Variants in GINM1 observed in about 807,000 individuals in gnomAD.
GINM1 encodes glycoprotein integral membrane protein 1.
In GINM1, 29 loss-of-function variants were observed where a neutral mutation model predicts 37.8. The ratio of observed to expected loss-of-function variants is 0.77; its 90% CI spans 0.57 to 1.05. The LOEUF is 1.05. GINM1 is among the 50% of genes least tolerant of loss of function. The probability of loss-of-function intolerance (pLI) is 0.00; values close to 1 mark genes in which losing one functional copy is unlikely to be tolerated. For missense variants in GINM1, 377 were observed against 397.9 expected, an observed-to-expected ratio of 0.95 and a Z score of 0.45; for synonymous variants, 143 against 146.2, an observed-to-expected ratio of 0.98 and a Z score of 0.16.
chr6:149,587,243 C>T (rs1387172070), intron 7 of GINM1, among the ~76,000 whole-genome samples: 2 of 152,186 alleles, frequency 1.3e-5, no homozygotes, highest in African/African-American at 2.4e-5. Flanking sequence ...GGCACCAATA[C>T]GTGTGTGGGG....
intron 1 of GINM1, among the ~76,000 whole-genome samples, chr6:149,570,190 ATATAT>A (rs1777795864): frequency 2.2e-5 from 2 of 92,146 alleles, no homozygotes; most frequent in African/African-American, 7.9e-5. Context: ...ATATATATAT[ATATAT>A]ATAAAGTTCA....
chr6:149,572,666 TTG>T, intron 3 of GINM1, 63 bp downstream of exon 3: 2 of 1,051,570 alleles, frequency 1.9e-6, no homozygotes, highest in Non-Finnish European at 3.0e-6. Flanking sequence ...GTTGTTGTTG[TTG>T]TTGTTTGTTT....
chr6:149,566,642 G>T lies in GINM1; in HGVS notation c.120+108G>T, dbSNP rs1300876674. The T allele has an allele frequency of 9.7e-6, 13 of 1,342,350 alleles. No homozygotes were observed. In the South Asian group the frequency reaches 2.0e-4, roughly 21 times the overall value. 83.2% of individuals were successfully genotyped at this position (1,342,350 alleles called of 1,614,324 possible). Reference sequence around the variant, plus strand: ...ATCCCACCGGCGGGCAGGGGCGGGGGTCCGGGCCCCCGAAGGAGGTGTGGG... The same window carrying T: ...ATCCCACCGGCGGGCAGGGGCGGGGTTCCGGGCCCCCGAAGGAGGTGTGGG... On this transcript the variant is annotated intron_variant, in intron 1 of 7. Transcript: ENST00000367419. The surrounding 1 kb of genome is among the most constrained non-coding windows in gnomAD (Gnocchi z 4.4).
At chr6:149,590,110 A>G (rs998238973) in intron 7 of GINM1, among the ~76,000 whole-genome samples, 22 of 152,172 alleles carry the variant, frequency 1.4e-4, no homozygotes, top group Non-Finnish European at 5.9e-5. Context: ...GCCTACTATC[A>G]TGTTTTAATA....
intron 6 of GINM1, among the ~76,000 whole-genome samples, chr6:149,581,351 G>GT (rs1777996490): frequency 6.6e-6 from 1 of 152,130 alleles, no homozygotes; most frequent in South Asian, 2.1e-4. Flanking sequence ...TAGAGATGGA[G>GT]TTTCACCATG....
chr6:149,578,577 T>C (rs1777950906), intron 3 of GINM1, among the ~76,000 whole-genome samples: 1 of 151,932 alleles, frequency 6.6e-6, no homozygotes, highest in African/African-American at 2.4e-5. Flanking sequence ...AGTGTGGTAT[T>C]TCATACAAAG....
Position 149,582,557 on chromosome 6 carries a change from G to A in GINM1, c.835G>A (p.Val279Met). 6.2e-7 allele frequency: 1 copy of A among 1,609,564 alleles called. No individual in the cohort carries two copies. The highest frequency in any genetic ancestry group is 8.5e-7 in the Non-Finnish European group (1 of 1,178,930). Residue 279 changes from valine (V) to methionine (M), a missense_variant, in exon 7 of 8, where the codon GTG becomes ATG. Transcript: ENST00000367419. ...GGTGGTTGGAATTACAGGAGCAGCTGTGGTAATAACCATCTTAAAGGTGTT... is the reference window on the plus strand; with the variant it reads ...GGTGGTTGGAATTACAGGAGCAGCTATGGTAATAACCATCTTAAAGGTGTT... The part of the protein sequence containing the change: ...IMVVGITGAA[V>M]VITILKVFFP...
At chr6:149,570,212 T>A (rs1777797726) in intron 1 of GINM1, among the ~76,000 whole-genome samples, 1 of 117,380 alleles carries the variant, frequency 8.5e-6, no homozygotes, top group Admixed American at 1.0e-4. Context: ...TTCAGTAACT[T>A]GCTAACAATA....
chr6:149,588,511 T>C (rs905843628), intron 7 of GINM1, among the ~76,000 whole-genome samples: 3 of 152,252 alleles, frequency 2.0e-5, no homozygotes, highest in African/African-American at 7.2e-5. Context: ...ATACAAAAGC[T>C]TTAAATTCAA....
chr6:149,575,808 G>A (rs1777905630), intron 3 of GINM1, among the ~76,000 whole-genome samples: 1 of 152,244 alleles, frequency 6.6e-6, no homozygotes, highest in East Asian at 1.9e-4. Context: ...TGTATTCACT[G>A]GGAATTGGAC....
chr6:149,566,584 G>A lies in GINM1; in HGVS notation c.120+50G>A, dbSNP rs760894602. On this transcript the variant is annotated intron_variant, in intron 1 of 7. Coordinates refer to ENST00000367419, the MANE Select transcript of GINM1 (RefSeq NM_138785.5). The surrounding 1 kb of genome is among the most constrained non-coding windows in gnomAD (Gnocchi z 4.4). ...CCGCTTTACGACTCCGACTCTCCGG[G>A]AGGCCCGGGCTGTCCACAGTGACGC... The A allele has an allele frequency of 2.1e-5, 30 of 1,448,248 alleles. No homozygotes were observed. The highest frequency in any genetic ancestry group is 1.8e-4 in the Middle Eastern group (1 of 5,474). 89.7% of individuals were successfully genotyped at this position (1,448,248 alleles called of 1,614,324 possible).
chr6:149,585,434 C>G (rs1778055280), intron 7 of GINM1, among the ~76,000 whole-genome samples: 1 of 152,012 alleles, frequency 6.6e-6, no homozygotes, highest in African/African-American at 2.4e-5. Flanking sequence ...AATTGTTTAT[C>G]AACTCAGATT....
intron 4 of GINM1, 102 bp downstream of exon 4, chr6:149,579,075 G>A: frequency 1.5e-6 from 1 of 663,574 alleles, no homozygotes; most frequent in Non-Finnish European, 2.4e-6. Context: ...ACTTGATAAG[G>A]AAGGTGCCTA....
chr6:149,581,548 C>G (rs1298376413), intron 6 of GINM1, among the ~76,000 whole-genome samples: 5 of 152,186 alleles, frequency 3.3e-5, no homozygotes, highest in Non-Finnish European at 5.9e-5. Flanking sequence ...GGGGCACCCA[C>G]TTAATCTGAA....
chr6:149,580,071 A>G (rs1462546160), intron 5 of GINM1, 81 bp downstream of exon 5: 1 of 861,482 alleles, frequency 1.2e-6, no homozygotes, highest in Admixed American at 2.8e-5. Context: ...GAACTTTGTT[A>G]TTTTTTACAC....
chr6:149,576,154 G>T (rs752946770), intron 3 of GINM1: 2 of 152,024 alleles, frequency 1.3e-5, no homozygotes, highest in Non-Finnish European at 2.9e-5. Context: ...ATCACGTCAG[G>T]GCTCAGCTGG....
At chr6:149,567,250 C>T (rs1227140456) in intron 1 of GINM1, among the ~76,000 whole-genome samples, 1 of 152,186 alleles carries the variant, frequency 6.6e-6, no homozygotes, top group Non-Finnish European at 1.5e-5. Flanking sequence ...GGCTGATGCT[C>T]ACCATTCCTG....
chr6:149,582,091 G>A (rs887208653), intron 6 of GINM1: 9 of 476,636 alleles, frequency 1.9e-5, no homozygotes, highest in African/African-American at 1.2e-4. Context: ...GCTCCATTTC[G>A]TTTATAATGG....
chr6:149,586,055 CTG>C, intron 7 of GINM1, among the ~76,000 whole-genome samples: 1 of 152,112 alleles, frequency 6.6e-6, no homozygotes, highest in East Asian at 1.9e-4. Flanking sequence ...TAGTAACCAC[CTG>C]TGTTAAGCCA....
Sources: allele counts gnomAD v4.1 joint callset (sites outside exome capture counted in the v4.1 genomes callset), GRCh38; gene constraint gnomAD v4.1.1; non-coding constraint Gnocchi (gnomAD v3.1); transcripts MANE v1.5; gene names NCBI Gene and HGNC (gene_info 2026-07-23, HGNC 2026-07-21).